RNGTT: variants seen among roughly 807,000 people sequenced by gnomAD.
RNGTT encodes mRNA-capping enzyme.
A neutral mutation model predicts 79.3 loss-of-function variants in RNGTT; 33 were observed. That is an observed-to-expected ratio of 0.42 (90% CI 0.32 to 0.56). The LOEUF is 0.56. RNGTT is among the 20% of genes least tolerant of loss of function. The pLI, the probability that RNGTT is intolerant of heterozygous loss-of-function variation, is 0.17. For synonymous variants in RNGTT, 222 were observed against 235.9 expected, an observed-to-expected ratio of 0.94 and a Z score of 0.54; for missense variants, 497 against 739.1, an observed-to-expected ratio of 0.67 and a Z score of 3.80.
At chr6:88,793,973 T>G (rs1352074911) in intron 12 of RNGTT, among the ~76,000 whole-genome samples, 3 of 152,238 alleles carry the variant, frequency 2.0e-5, no homozygotes, top group African/African-American at 2.4e-5. Flanking sequence ...TTATTAAAAA[T>G]TCATTACTTA....
chr6:88,656,836 T>C (rs924883061), intron 14 of RNGTT, among the ~76,000 whole-genome samples: 6 of 150,708 alleles, frequency 4.0e-5, no homozygotes, highest in Non-Finnish European at 8.9e-5. Context: ...ATATCTGTAA[T>C]CCCAACACTT....
intron 12 of RNGTT, among the ~76,000 whole-genome samples, chr6:88,798,473 AAAAAG>A (rs1779675175): frequency 6.6e-6 from 1 of 152,132 alleles, no homozygotes; most frequent in South Asian, 2.1e-4. Flanking sequence ...TCAAAAAAAA[AAAAAG>A]AGAGAAAAAT....
chr6:88,941,143 T>A lies in RNGTT; in HGVS notation c.102A>T (p.Arg34Ser). 6.2e-7 allele frequency: 1 copy of A among 1,613,264 alleles called. No homozygotes were observed. Among genetic ancestry groups the A allele is most frequent in the South Asian group, 1.1e-5 (1 of 91,040 alleles). The change falls in exon 2 of 16, where the codon AGA becomes AGT. Residue 34 changes from arginine (R) to serine (S), a missense_variant. Physicochemically the swap from Arg to Ser is moderately radical, Grantham distance 110. Coordinates refer to ENST00000369485, the MANE Select transcript of RNGTT (RefSeq NM_003800.5). ...FLPLKTMLGP[R>S]YDSQVAEENR... ...TTTCTTCAGCAACTTGACTATCATA[T>A]CTTGGTCCTAACATTGTCTTCAGAG...
intron 4 of RNGTT, among the ~76,000 whole-genome samples, chr6:88,921,516 T>C (rs1264066813): frequency 1.3e-5 from 2 of 152,166 alleles, no homozygotes; most frequent in South Asian, 2.1e-4. Context: ...TACAGCTTCA[T>C]AGTCCCTTAT....
chr6:88,795,961 G>A (rs1326332735), intron 12 of RNGTT, among the ~76,000 whole-genome samples: 1 of 152,110 alleles, frequency 6.6e-6, no homozygotes, highest in Non-Finnish European at 1.5e-5. Context: ...AATGAATCAT[G>A]TACAAATGCC....
chr6:88,912,875 CTG>C (rs1172726627), intron 4 of RNGTT, among the ~76,000 whole-genome samples: 2 of 152,068 alleles, frequency 1.3e-5, no homozygotes, highest in Non-Finnish European at 2.9e-5. Flanking sequence ...ATAATGAACT[CTG>C]AAATTGAACC....
intron 13 of RNGTT, among the ~76,000 whole-genome samples, chr6:88,716,057 AACCTACTC>A (rs1464210365): frequency 2.0e-5 from 3 of 151,854 alleles, no homozygotes. Flanking sequence ...AAATTTTCGT[AACCTACTC>A]ATCTGACAAA....
intron 8 of RNGTT, among the ~76,000 whole-genome samples, chr6:88,867,449 C>T (rs974264158): frequency 3.3e-5 from 5 of 151,972 alleles, no homozygotes; most frequent in African/African-American, 1.2e-4. Context: ...TGGCACTGCA[C>T]TCTAACCTGG....
intron 13 of RNGTT, among the ~76,000 whole-genome samples, chr6:88,695,485 T>A (rs976835020): frequency 6.6e-6 from 1 of 152,034 alleles, no homozygotes; most frequent in South Asian, 2.1e-4. Flanking sequence ...ACCACCACAT[T>A]TTCAAAATGA....
intron 13 of RNGTT, among the ~76,000 whole-genome samples, chr6:88,700,206 T>G (rs2127801381): frequency 6.6e-6 from 1 of 152,294 alleles, no homozygotes; most frequent in Admixed American, 6.5e-5. Context: ...CACACTTCTC[T>G]GCTTGATTCA....
intron 1 of RNGTT, among the ~76,000 whole-genome samples, chr6:88,960,865 T>TA (rs1485989208): frequency 6.6e-6 from 1 of 152,226 alleles, no homozygotes. Flanking sequence ...TCCTAACATT[T>TA]ACAACATATA....
intron 11 of RNGTT, among the ~76,000 whole-genome samples, chr6:88,839,777 T>C (rs1781205259): frequency 6.6e-6 from 1 of 152,194 alleles, no homozygotes; most frequent in Admixed American, 6.5e-5. Flanking sequence ...TCTGTTCAAA[T>C]AATTCTTTTT....
chr6:88,692,720 T>C (rs1476908188), intron 13 of RNGTT, among the ~76,000 whole-genome samples: 2 of 152,098 alleles, frequency 1.3e-5, no homozygotes, highest in African/African-American at 4.8e-5. Context: ...CTGGGAACAG[T>C]GATTTCATAT....
intron 14 of RNGTT, among the ~76,000 whole-genome samples, chr6:88,649,494 G>A (rs7771954): frequency 1.1e-3 from 160 of 152,246 alleles, no homozygotes; most frequent in Non-Finnish European, 1.7e-3. Context: ...TCAGGAGATC[G>A]AGACCAGCCT....
chr6:88,773,897 G>A (rs981710495), intron 12 of RNGTT, among the ~76,000 whole-genome samples: 3 of 152,088 alleles, frequency 2.0e-5, no homozygotes, highest in African/African-American at 7.2e-5. Flanking sequence ...TCTTAGATTT[G>A]GCAGTAGATT....
chr6:88,868,472 T>G (rs1031418184), intron 8 of RNGTT, among the ~76,000 whole-genome samples: 8 of 152,198 alleles, frequency 5.3e-5, no homozygotes, highest in African/African-American at 1.7e-4. Context: ...TTTATATCAA[T>G]TATTAATCAG....
intron 8 of RNGTT, among the ~76,000 whole-genome samples, chr6:88,886,106 C>A (rs142158484): frequency 6.6e-6 from 1 of 152,132 alleles, no homozygotes; most frequent in African/African-American, 2.4e-5. Context: ...GAGATCGAGA[C>A]CATCCTGGCT....
chr6:88,771,303 ATGTGTGTGTGTG>A (rs373169358), intron 12 of RNGTT, among the ~76,000 whole-genome samples: 1 of 82,500 alleles, frequency 1.2e-5, no homozygotes, highest in African/African-American at 4.8e-5. Context: ...GTATGTATGT[ATGTGTGTGTGTG>A]TATATATATA....
At chr6:88,961,872 G>C (rs952739073) in intron 1 of RNGTT, among the ~76,000 whole-genome samples, 1 of 152,256 alleles carries the variant, frequency 6.6e-6, no homozygotes, top group South Asian at 2.1e-4. Flanking sequence ...AGGTTTATTT[G>C]TAATAGCTAA....
Sources: gnomAD v4.1 joint callset for allele counts (sites outside exome capture counted in the v4.1 genomes callset) on GRCh38, gnomAD v4.1.1 for gene constraint, MANE v1.5 for transcripts, NCBI Gene and HGNC (gene_info 2026-07-23, HGNC 2026-07-21) for gene names.